The following ZNF696 variants were observed in gnomAD, a reference collection of about 807,000 sequenced individuals.
The protein encoded by ZNF696 is zinc finger protein 696.
In ZNF696, 10 loss-of-function variants were observed where a neutral mutation model predicts 12.3. The observed-to-expected ratio is 0.81, with a 90% CI of 0.50 to 1.38. ZNF696 has a LOEUF of 1.38. Among genes scored for constraint, ZNF696 ranks in the 40% most tolerant of loss-of-function variants. The pLI is 0.00. For missense variants in ZNF696, 675 were observed against 554.7 expected, an observed-to-expected ratio of 1.22 and a Z score of -2.18; for synonymous variants, 304 against 243.9, an observed-to-expected ratio of 1.25 and a Z score of -2.29.
chr8:143,294,413 G>C (rs1414529590), intron 2 of ZNF696, among the ~76,000 whole-genome samples: 1 of 148,060 alleles, frequency 6.8e-6, no homozygotes, highest in Non-Finnish European at 1.5e-5. Flanking sequence ...TTAAGACAAA[G>C]TCTTGCTCTG....
At position 143,296,611 on chromosome 8, in the gene ZNF696, C is replaced by A. The variant is rs777313668; in HGVS notation, c.936C>A (p.Arg312=). ...FSRSSFLREH[R]RIHTGEKPHQ... is the part of the protein sequence containing the mutation. ...GCAGCTCCTTCCTCCGCGAGCACCG[C>A]CGCATCCACACCGGGGAGAAGCCCC... Residue 312 remains arginine, a synonymous_variant, in exon 3 of 3, where the codon CGC becomes CGA. Transcript: ENST00000330143. 6.3e-7 allele frequency: 1 copy of A among 1,586,604 alleles called. No homozygotes were observed. The highest frequency in any genetic ancestry group is 1.3e-5 in the African/African-American group (1 of 74,326).
At chr8:143,291,969 A>AT (rs945616976) in intron 1 of ZNF696, among the ~76,000 whole-genome samples, 1 of 151,796 alleles carries the variant, frequency 6.6e-6, no homozygotes, top group Non-Finnish European at 1.5e-5. Context: ...TTATTTACTT[A>AT]TTTTTTTAAG....
At position 143,296,707 on chromosome 8, in the gene ZNF696, G is replaced by A. The variant is rs1278006461; in HGVS notation, c.1032G>A (p.Thr344=). 2 of 1,557,980 alleles carry A rather than the reference G, an allele frequency of 1.3e-6. No homozygotes were observed. The part of the protein sequence containing the change: ...SGFFRHQRLH[T]GEKPFRCTEC... ...TCTTCCGGCACCAGCGACTCCACAC[G>A]GGCGAGAAGCCGTTCCGCTGCACCG... The change falls in exon 3 of 3, where the codon ACG becomes ACA. Residue 344 remains threonine, a synonymous_variant. Coordinates refer to ENST00000330143, the MANE Select transcript of ZNF696 (RefSeq NM_030895.3).
rs1025152755 is a variant in ZNF696, at chr8:143,299,343, T to C, written c.*2543T>C. Among the ~76,000 whole-genome samples, 5 of 152,164 alleles carry C rather than the reference T, an allele frequency of 3.3e-5. No homozygotes were observed. Among genetic ancestry groups the C allele is most frequent in the Admixed American group, 6.5e-5 (1 of 15,282 alleles). On this transcript the variant is annotated 3_prime_UTR_variant, in exon 3 of 3. Coordinates refer to ENST00000330143, the MANE Select transcript of ZNF696 (RefSeq NM_030895.3). Reference sequence around the variant, plus strand: ...ACAGAAATGTTCTAAGACCCTCCGGTTGTTGGGAAGAGGGTGTAAGATAGT... The same window carrying C: ...ACAGAAATGTTCTAAGACCCTCCGGCTGTTGGGAAGAGGGTGTAAGATAGT...
chr8:143,293,373 GT>G, intron 2 of ZNF696: 1 of 520,338 alleles, frequency 1.9e-6, no homozygotes, highest in Non-Finnish European at 3.4e-6. Context: ...ACGAGTCTTT[GT>G]TGAGGGGCCA....
rs111921773 is a variant in ZNF696 at position 143,294,932 on chromosome 8, T to A, written c.65-808T>A. Among the ~76,000 whole-genome samples, 784 of 152,070 alleles carry A rather than the reference T, an allele frequency of 5.2e-3. 12 individuals carry two copies. The highest frequency in any genetic ancestry group is 0.017 in the African/African-American group (709 of 41,498). On this transcript the variant is annotated intron_variant, in intron 2 of 2. Coordinates refer to ENST00000330143, the MANE Select transcript of ZNF696 (RefSeq NM_030895.3). ...ATTGACACACTGTCTCTACAAAAAATTTTTAAAATAGCCTGGTGTGGTGGT... is the reference window on the plus strand; with the variant it reads ...ATTGACACACTGTCTCTACAAAAAAATTTTAAAATAGCCTGGTGTGGTGGT...
intron 1 of ZNF696, among the ~76,000 whole-genome samples, chr8:143,292,440 G>GTTT (rs35335113): frequency 0.32 from 45,955 of 145,130 alleles, 9,007 homozygotes; most frequent in East Asian, 0.69. Flanking sequence ...TCCCTTTTTG[G>GTTT]TTTTTTTTTT....
rs780786184 is a variant in ZNF696 at position 143,296,034 on chromosome 8, G to A, written c.359G>A (p.Trp120Ter). ...CCCGGCGCAGAGGGCGGGGGCAGCT[G>A]GAAGGGGCGGCCTTTCCCGTGCGGC... ...AGPGAEGGGS[W>*]KGRPFPCGAC... The change falls in exon 3 of 3, where the codon TGG becomes TAG. Residue 120 changes from tryptophan to a stop codon, truncating the protein, a stop_gained. Coordinates refer to ENST00000330143, the MANE Select transcript of ZNF696 (RefSeq NM_030895.3). LOFTEE classifies it low-confidence loss of function (END_TRUNC). The A allele has an allele frequency of 1.9e-6, 3 of 1,594,664 alleles. No homozygotes were observed. Among genetic ancestry groups the A allele is most frequent in the Middle Eastern group, 1.7e-4 (1 of 6,030 alleles).
In ZNF696 at chr8:143,296,737, C is replaced by G. The variant is rs1297918432; in HGVS notation, c.1062C>G (p.Cys354Trp). The change falls in exon 3 of 3, where the codon TGC becomes TGG. Residue 354 changes from cysteine (C) to tryptophan (W), a missense_variant. By Grantham distance (215) the Cys-to-Trp change is radical (BLOSUM62 -2). Transcript: ENST00000330143. ...TGEKPFRCTE[C>W]GRAFRLSFHL... ...AGAAGCCGTTCCGCTGCACCGAGTGCGGCCGCGCCTTCCGCCTGAGCTTCC... is the reference window on the plus strand; with the variant it reads ...AGAAGCCGTTCCGCTGCACCGAGTGGGGCCGCGCCTTCCGCCTGAGCTTCC... 4.6e-6 allele frequency: 7 copies of G among 1,506,498 alleles called. No homozygotes were observed. Among genetic ancestry groups the G allele is most frequent in the South Asian group, 1.3e-5 (1 of 77,236 alleles). The allele number at this position is 1,506,498 out of a possible 1,614,324, so 93.3% of individuals were successfully genotyped here.
Position 143,296,375 on chromosome 8 carries a change from G to T in ZNF696, c.700G>T (p.Glu234Ter), listed in dbSNP as rs2129740646. 3 of 1,595,620 alleles carry T rather than the reference G, an allele frequency of 1.9e-6. No individual in the cohort carries two copies. Among genetic ancestry groups the T allele is most frequent in the South Asian group, 2.2e-5 (2 of 90,114 alleles). The change falls in exon 3 of 3, where the codon GAG becomes TAG. Residue 234 changes from glutamate (E) to a stop codon, truncating the protein, a stop_gained. Transcript: ENST00000330143. LOFTEE classifies it high-confidence loss of function. ...AAKHRRTHTG[E>*]RLYACGECGK... ...CAAGCACCGCCGCACCCACACCGGGGAGAGGCTGTACGCGTGCGGCGAGTG... is the reference window on the plus strand; with the variant it reads ...CAAGCACCGCCGCACCCACACCGGGTAGAGGCTGTACGCGTGCGGCGAGTG...
rs1454622316 is a variant in ZNF696, at chr8:143,296,162, A to G, written c.487A>G (p.Ile163Val). 6.2e-7 allele frequency: 1 copy of G among 1,608,550 alleles called. No homozygotes were observed. The highest frequency in any genetic ancestry group is 8.5e-7 in the Non-Finnish European group (1 of 1,178,722). The change falls in exon 3 of 3, where the codon ATC becomes GTC. Residue 163 changes from isoleucine (I) to valine (V), a missense_variant. Ile to Val is a conservative substitution (Grantham distance 29, BLOSUM62 3). Coordinates refer to ENST00000330143, the MANE Select transcript of ZNF696 (RefSeq NM_030895.3). ...GTGCAGCGACTGCGGGAAGGCCTTC[A>G]TCCACAGCTCGCACGTGGTCCGGCA... ...YECSDCGKAF[I>V]HSSHVVRHQR...
intron 1 of ZNF696, among the ~76,000 whole-genome samples, chr8:143,292,720 C>G (rs983738002): frequency 6.6e-6 from 1 of 152,206 alleles, no homozygotes; most frequent in African/African-American, 2.4e-5. Context: ...TGCGTCAGCC[C>G]TGGGTGGAGG....
chr8:143,291,508 G>A lies in ZNF696; in HGVS notation c.-290G>A, dbSNP rs1241124162. On this transcript the variant is annotated 5_prime_UTR_variant, in exon 1 of 3. Transcript: ENST00000330143. Reference sequence around the variant, plus strand: ...GGGAGGGCTGAGGGCGCGGCCGAGAGAACGGGGCGGTCACCGCCGCCGTGG... The same window carrying A: ...GGGAGGGCTGAGGGCGCGGCCGAGAAAACGGGGCGGTCACCGCCGCCGTGG... The A allele has an allele frequency of 1.0e-6, 1 of 985,352 alleles. No individual in the cohort carries two copies. The highest frequency in any genetic ancestry group is 1.2e-6 in the Non-Finnish European group (1 of 829,946). 61.0% of individuals were successfully genotyped at this position (985,352 alleles called of 1,614,324 possible). A position where few individuals can be genotyped will look rare whatever the true frequency, so the allele number is the denominator to read the frequency against.
At position 143,296,530 on chromosome 8, in the gene ZNF696, C is replaced by T; in HGVS notation, c.855C>T (p.Arg285=). The change falls in exon 3 of 3, where the codon CGC becomes CGT. Residue 285 remains arginine, a synonymous_variant. Coordinates refer to ENST00000330143, the MANE Select transcript of ZNF696 (RefSeq NM_030895.3). ...GCTCCAACCTCCTCCAGCACCAGCG[C>T]GTGCACACGGGGGAGCGGCCCTTCG... ...SQSSNLLQHQ[R]VHTGERPFAC... 6.2e-7 allele frequency: 1 copy of T among 1,605,716 alleles called. No individual in the cohort carries two copies. Among genetic ancestry groups the T allele is most frequent in the South Asian group, 1.1e-5 (1 of 90,938 alleles).
intron 2 of ZNF696, 73 bp downstream of exon 2, chr8:143,293,138 A>C: frequency 7.6e-7 from 1 of 1,312,228 alleles, no homozygotes; most frequent in Non-Finnish European, 1.1e-6. Context: ...GAAAAACACC[A>C]TGTCTCAGTC....
chr8:143,296,399 T>G lies in ZNF696; in HGVS notation c.724T>G (p.Cys242Gly), dbSNP rs762264249. ...GGAGAGGCTGTACGCGTGCGGCGAGTGCGGGAAGCGCTTCCTGCACAGCTC... is the reference window on the plus strand; with the variant it reads ...GGAGAGGCTGTACGCGTGCGGCGAGGGCGGGAAGCGCTTCCTGCACAGCTC... ...TGERLYACGE[C>G]GKRFLHSSNV... The change falls in exon 3 of 3, where the codon TGC (cysteine) becomes GGC (glycine). Residue 242 changes from cysteine to glycine, a missense_variant. Cys to Gly is a radical substitution (Grantham distance 159). Transcript: ENST00000330143. The G allele has an allele frequency of 6.3e-7, 1 of 1,595,290 alleles. No homozygotes were observed. The highest frequency in any genetic ancestry group is 8.5e-7 in the Non-Finnish European group (1 of 1,173,266).
intron 1 of ZNF696, among the ~76,000 whole-genome samples, chr8:143,292,525 CAAAACTTTACCA>C (rs1054281751): frequency 9.9e-5 from 15 of 151,708 alleles, no homozygotes; most frequent in African/African-American, 3.6e-4. Flanking sequence ...TTCCTCATTC[CAAAACTTTACCA>C]TTCAAATAAG....
chr8:143,294,286 G>C (rs1815671122), intron 2 of ZNF696, among the ~76,000 whole-genome samples: 3 of 152,198 alleles, frequency 2.0e-5, no homozygotes, highest in African/African-American at 7.2e-5. Flanking sequence ...CATTGATAAC[G>C]CAGCCTGGAT....
In ZNF696 at chr8:143,299,666, TAAG is replaced by T. The variant is rs1815770498; in HGVS notation, c.*2869_*2871del. Among the ~76,000 whole-genome samples the T allele has an allele frequency of 6.6e-6, 1 of 152,098 alleles. No homozygotes were observed. On this transcript the variant is annotated 3_prime_UTR_variant, in exon 3 of 3. Coordinates refer to ENST00000330143, the MANE Select transcript of ZNF696 (RefSeq NM_030895.3). ...ACACAAACTTCTGTCAATTAAAAAA[TAAG>T]AACGAAATCAGGCTGGGCCTGAGCG...
Sources: allele counts gnomAD v4.1 joint callset (sites outside exome capture counted in the v4.1 genomes callset), GRCh38; gene constraint gnomAD v4.1.1; transcripts MANE v1.5; gene names NCBI Gene and HGNC (gene_info 2026-07-23, HGNC 2026-07-21).